PYGO2: variants seen among roughly 807,000 people sequenced by gnomAD.
PYGO2 encodes the protein pygopus homolog 2.
Under a neutral mutation model 26.7 loss-of-function variants are expected in PYGO2, and 9 were observed. That is an observed-to-expected ratio of 0.34 (90% CI 0.20 to 0.59). The LOEUF is 0.59. Among genes scored for constraint, PYGO2 ranks in the 20% least tolerant of loss-of-function variants. PYGO2 has a pLI of 0.84. For missense variants in PYGO2, 538 were observed against 561.5 expected (o/e 0.96, Z 0.42); for synonymous variants, 236 against 219.0 (o/e 1.08, Z -0.68).
At position 154,959,175 on chromosome 1, in the gene PYGO2, G is replaced by A; in HGVS notation, c.825C>T (p.Pro275=). The change falls in exon 3 of 3, where the codon CCC becomes CCT. Residue 275 remains proline, a synonymous_variant. Coordinates refer to ENST00000368457, the MANE Select transcript of PYGO2 (RefSeq NM_138300.4). The surrounding 1 kb of genome is among the most constrained non-coding windows in gnomAD (Gnocchi z 4.7). ...CAGCAGCAGCCGGGGAGCCTGAGTG[G>A]GGCTCCTGGGGAAAAGCAGTAGAAG... ...PPASTAFPQE[P]HSGSPAAAVN... 6.3e-7 allele frequency: 1 copy of A among 1,582,852 alleles called. No homozygotes were observed. The highest frequency in any genetic ancestry group is 1.3e-5 in the African/African-American group (1 of 74,356).
rs901430294 is a variant in PYGO2 at position 154,959,420 on chromosome 1, T to A, written c.580A>T (p.Ile194Phe). 4 of 1,562,670 alleles carry A rather than the reference T, an allele frequency of 2.6e-6. No individual in the cohort carries two copies. In the African/African-American group the frequency reaches 5.5e-5, roughly 21 times the overall value. Residue 194 changes from isoleucine to phenylalanine, a missense_variant, in exon 3 of 3, where the codon ATC (isoleucine) becomes TTC (phenylalanine). Transcript: ENST00000368457. This position sits in a 1 kb window ranked among gnomAD's most constrained non-coding sequence, Gnocchi z 4.7. ...GGAGGCTGTCCCATGGTGGGTGAGA[T>A]CATGGGACCAAATCCCCCCACTGGG... is the stretch of plus-strand genomic sequence containing the variant. Reference protein sequence around the residue: ...PGPVGGFGPMISPTMGQPPRA... With the variant: ...PGPVGGFGPMFSPTMGQPPRA...
intron 2 of PYGO2, among the ~76,000 whole-genome samples, chr1:154,960,287 A>G (rs1655302842): frequency 6.7e-6 from 1 of 149,832 alleles, no homozygotes; most frequent in South Asian, 2.1e-4. Flanking sequence ...AAAAAAATGG[A>G]CCACAGGCCA....
intron 2 of PYGO2, among the ~76,000 whole-genome samples, chr1:154,960,403 CA>C (rs542540625): frequency 0.012 from 346 of 30,004 alleles, no homozygotes; most frequent in South Asian, 0.018. Context: ...TCTGTTACTA[CA>C]AAAAAAAAAA....
chr1:154,960,880 G>T, intron 2 of PYGO2, 97 bp downstream of exon 2: 3 of 1,150,966 alleles, frequency 2.6e-6, no homozygotes, highest in Admixed American at 1.7e-5. Context: ...CCTCCCTGCA[G>T]CTGATACAAG....
intron 2 of PYGO2, among the ~76,000 whole-genome samples, chr1:154,960,415 AAGAAAAGAAAAGAAAAG>A (rs1655310277): frequency 6.6e-6 from 1 of 150,844 alleles, no homozygotes; most frequent in Non-Finnish European, 1.5e-5. Flanking sequence ...AAAAAAAAAA[AAGAAAAGAAAAGAAAAG>A]AAAAAAGAAA....
chr1:154,961,528 C>T lies in PYGO2; in HGVS notation c.49G>A (p.Gly17Ser). The change falls in exon 1 of 3, where the codon GGC becomes AGC. Residue 17 changes from glycine (G) to serine (S), a missense_variant. Gly to Ser is a moderately conservative substitution (Grantham distance 56, BLOSUM62 0). This residue lies in a region of PYGO2 where 79 missense variants were observed against 92.7 expected (regional missense o/e 0.85). Transcript: ENST00000368457. ...GGCGGCGCAGGGGGCGGTGCGGGGC[C>T]GCCACCTCCCTCCAGCTTGTCCGGT... Reference protein sequence around the residue: ...PPPDKLEGGGGPAPPPAPPST... With the variant: ...PPPDKLEGGGSPAPPPAPPST... 1.4e-6 allele frequency: 2 copies of T among 1,417,168 alleles called. No individual in the cohort carries two copies. The highest frequency in any genetic ancestry group is 9.1e-7 in the Non-Finnish European group (1 of 1,093,398). The allele number at this position is 1,417,168 out of a possible 1,614,324, so 87.8% of individuals were successfully genotyped here. A position where few individuals can be genotyped will look rare whatever the true frequency, so the allele number is the denominator to read the frequency against.
chr1:154,958,783 C>T lies in PYGO2; in HGVS notation c.1217G>A (p.Gly406Glu). 6.2e-7 allele frequency: 1 copy of T among 1,611,450 alleles called. No individual in the cohort carries two copies. Among genetic ancestry groups the T allele is most frequent in the Non-Finnish European group, 8.5e-7 (1 of 1,177,986 alleles). Residue 406 changes from glycine (G) to glutamate (E), a missense_variant, in exon 3 of 3, where the codon GGG (glycine) becomes GAG (glutamate). Gly to Glu is a moderately conservative substitution (Grantham distance 98, BLOSUM62 -2). Coordinates refer to ENST00000368457, the MANE Select transcript of PYGO2 (RefSeq NM_138300.4). Reference protein sequence around the residue: ...GMGQLVAANDG With the variant: ...GMGQLVAANDE ...CCCTGGGCCACTTCACCAGCGTCAC[C>T]CATCGTTAGCAGCCACCAGCTGCCC...
intron 2 of PYGO2, among the ~76,000 whole-genome samples, chr1:154,960,565 G>GT (rs1266631893): frequency 3.3e-5 from 5 of 152,128 alleles, no homozygotes; most frequent in African/African-American, 1.2e-4. Context: ...CCTCAAGACT[G>GT]TGGAGCATGT....
intron 1 of PYGO2, 41 bp downstream of exon 1, chr1:154,961,433 T>G: frequency 7.5e-7 from 1 of 1,329,070 alleles, no homozygotes. Flanking sequence ...GGTTCCCAAG[T>G]CCTGGGCCTC....
Position 154,959,095 on chromosome 1 carries a change from G to A in PYGO2, c.905C>T (p.Thr302Ile). 2 of 1,611,700 alleles carry A rather than the reference G, an allele frequency of 1.2e-6. No individual in the cohort carries two copies. Among genetic ancestry groups the A allele is most frequent in the Non-Finnish European group, 1.7e-6 (2 of 1,178,986 alleles). Residue 302 changes from threonine to isoleucine, a missense_variant, in exon 3 of 3, where the codon ACT becomes ATT. Physicochemically the swap from Thr to Ile is moderately conservative, Grantham distance 89. Around this residue, in one of 4 missense-constraint regions of PYGO2, gnomAD observed 381 missense variants for 336.6 expected, o/e 1.13. Coordinates refer to ENST00000368457, the MANE Select transcript of PYGO2 (RefSeq NM_138300.4). The surrounding 1 kb of genome is among the most constrained non-coding windows in gnomAD (Gnocchi z 4.7). ...GGGTGCCAAGCTGTTGGCATCTGGA[G>A]TGCCCCCACCCCGCCCACTGCTGTT... ...PPNSSGRGGG[T>I]PDANSLAPPG... is the part of the protein sequence containing the mutation.
chr1:154,961,415 C>T, intron 1 of PYGO2, 59 bp downstream of exon 1: 1 of 1,124,846 alleles, frequency 8.9e-7, no homozygotes, highest in Non-Finnish European at 1.2e-6. Flanking sequence ...ACCATCCCTC[C>T]CCTCTGAGGT....
rs951796838 is a variant in PYGO2, at chr1:154,961,761, A to T, written c.-185T>A. The T allele has an allele frequency of 1.0e-5, 4 of 401,760 alleles. No homozygotes were observed. Among genetic ancestry groups the T allele is most frequent in the African/African-American group, 4.1e-5 (2 of 48,292 alleles). The allele number at this position is 401,760 out of a possible 1,614,324, so 24.9% of individuals were successfully genotyped here. A position where few individuals can be genotyped will look rare whatever the true frequency, so the allele number is the denominator to read the frequency against. Reference sequence around the variant, plus strand: ...GCTCTCTCCAGACTCGCCGCCCGCCAGCGGCGGCAGCAACCGGAACCGGAA... The same window carrying T: ...GCTCTCTCCAGACTCGCCGCCCGCCTGCGGCGGCAGCAACCGGAACCGGAA... On this transcript the variant is annotated 5_prime_UTR_variant, in exon 1 of 3. Coordinates refer to ENST00000368457, the MANE Select transcript of PYGO2 (RefSeq NM_138300.4).
At chr1:154,960,417 G>GAA (rs1456806958) in intron 2 of PYGO2, among the ~76,000 whole-genome samples, 1 of 129,636 alleles carries the variant, frequency 7.7e-6, no homozygotes, top group Non-Finnish European at 1.7e-5. Context: ...AAAAAAAAAA[G>GAA]AAAAGAAAAG....
rs755368923 is a variant in PYGO2, at chr1:154,959,554, G to T, written c.446C>A (p.Pro149His). 5 of 1,470,148 alleles carry T rather than the reference G, an allele frequency of 3.4e-6. No individual in the cohort carries two copies. Among genetic ancestry groups the T allele is most frequent in the African/African-American group, 1.4e-5 (1 of 69,850 alleles). The allele number at this position is 1,470,148 out of a possible 1,614,324, so 91.1% of individuals were successfully genotyped here. ...TGGGGGTGGGTAGCCAGGACCCTGG[G>T]GGGGCATGTTGAAAGCAGGGCCCAT... Reference protein sequence around the residue: ...NPMGPAFNMPPQGPGYPPPGN... With the variant: ...NPMGPAFNMPHQGPGYPPPGN... Residue 149 changes from proline to histidine, a missense_variant, in exon 3 of 3, where the codon CCC becomes CAC. This residue lies in a region of PYGO2 where 381 missense variants were observed against 336.6 expected (regional missense o/e 1.13). Transcript: ENST00000368457. This position sits in a 1 kb window ranked among gnomAD's most constrained non-coding sequence, Gnocchi z 4.7.
rs1346925226 is a variant in PYGO2 at position 154,959,118 on chromosome 1, G to T, written c.882C>A (p.Asn294Lys). Residue 294 changes from asparagine to lysine, a missense_variant, in exon 3 of 3, where the codon AAC (asparagine) becomes AAA (lysine). Physicochemically the swap from Asn to Lys is moderately conservative, Grantham distance 94. Around this residue, in one of 4 missense-constraint regions of PYGO2, gnomAD observed 381 missense variants for 336.6 expected, o/e 1.13. Coordinates refer to ENST00000368457, the MANE Select transcript of PYGO2 (RefSeq NM_138300.4). The surrounding 1 kb of genome is among the most constrained non-coding windows in gnomAD (Gnocchi z 4.7). ...GAGTGCCCCCACCCCGCCCACTGCT[G>T]TTCGGGGGGAAACTGGGCTGGTTCC... ...VNGNQPSFPP[N>K]SSGRGGGTPD... 1 of 1,603,814 alleles carries T rather than the reference G, an allele frequency of 6.2e-7. No homozygotes were observed. The highest frequency in any genetic ancestry group is 8.5e-7 in the Non-Finnish European group (1 of 1,173,870).
rs1205213481 is a variant in PYGO2 at position 154,959,446 on chromosome 1, C to T, written c.554G>A (p.Gly185Asp). 8.5e-6 allele frequency: 13 copies of T among 1,527,984 alleles called. No individual in the cohort carries two copies. Among genetic ancestry groups the T allele is most frequent in the Non-Finnish European group, 1.1e-5 (13 of 1,139,188 alleles). 94.7% of individuals were successfully genotyped at this position (1,527,984 alleles called of 1,614,324 possible). A position where few individuals can be genotyped will look rare whatever the true frequency, so the allele number is the denominator to read the frequency against. ...FSPPSGQMMP[G>D]PVGGFGPMIS... The stretch of plus-strand genomic sequence containing the variant: ...CATGGGACCAAATCCCCCCACTGGG[C>T]CCGGCATCATCTGCCCACTGGGAGG... Residue 185 changes from glycine to aspartate, a missense_variant, in exon 3 of 3, where the codon GGC (glycine) becomes GAC (aspartate). Gly to Asp is a moderately conservative substitution (Grantham distance 94). This residue lies in a region of PYGO2 where 381 missense variants were observed against 336.6 expected (regional missense o/e 1.13). Coordinates refer to ENST00000368457, the MANE Select transcript of PYGO2 (RefSeq NM_138300.4). This position sits in a 1 kb window ranked among gnomAD's most constrained non-coding sequence, Gnocchi z 4.7.
rs1157156339 is a variant in PYGO2, at chr1:154,961,697, C to G, written c.-121G>C. On this transcript the variant is annotated 5_prime_UTR_variant, in exon 1 of 3. Transcript: ENST00000368457. ...CCCGAGCTGCAGCAACCACAAAGTG[C>G]GACGACAGGGAAGCGCCGAGCCGCC... 3.4e-5 allele frequency: 15 copies of G among 439,076 alleles called. No homozygotes were observed. The highest frequency in any genetic ancestry group is 5.9e-4 in the Middle Eastern group (1 of 1,702). 27.2% of individuals were successfully genotyped at this position (439,076 alleles called of 1,614,324 possible). A position where few individuals can be genotyped will look rare whatever the true frequency, so the allele number is the denominator to read the frequency against.
chr1:154,960,403 C>CAAA (rs542540625), intron 2 of PYGO2, among the ~76,000 whole-genome samples: 1 of 30,092 alleles, frequency 3.3e-5, no homozygotes. Context: ...TCTGTTACTA[C>CAAA]AAAAAAAAAA....
At chr1:154,961,436 T>G (rs1031461296) in intron 1 of PYGO2, 38 bp downstream of exon 1, 8 of 1,346,776 alleles carry the variant, frequency 5.9e-6, no homozygotes, top group Middle Eastern at 1.9e-4. Context: ...TCCCAAGTCC[T>G]GGGCCTCTTC....
Sources: gnomAD v4.1 joint callset for allele counts (sites outside exome capture counted in the v4.1 genomes callset) on GRCh38, gnomAD v4.1.1 for gene constraint, gnomAD v4.1.1 regional missense constraint, Gnocchi (gnomAD v3.1) non-coding constraint, MANE v1.5 for transcripts, NCBI Gene and HGNC (gene_info 2026-07-23, HGNC 2026-07-21) for gene names.